Variants in CDKN2AIPNL observed in about 807,000 individuals in gnomAD.
The protein encoded by CDKN2AIPNL is XRN2 binding domain containing 1, also known as CDKN2AIP N-terminal-like protein.
In CDKN2AIPNL, 9 loss-of-function variants were observed where a neutral mutation model predicts 12.9. The ratio of observed to expected loss-of-function variants is 0.70; its 90% confidence interval spans 0.42 to 1.22. The LOEUF (loss-of-function observed/expected upper bound fraction) is 1.22, where lower values mean the gene tolerates loss of function less well. CDKN2AIPNL is among the 50% of genes most tolerant of loss of function. The pLI is 0.00. For synonymous variants in CDKN2AIPNL, 53 were observed against 61.7 expected (o/e 0.86, Z 0.66); for missense variants, 143 against 153.6 (o/e 0.93, Z 0.37).
chr5:134,407,957 C>G (rs753529352), intron 2 of CDKN2AIPNL, among the ~76,000 whole-genome samples: 3 of 151,950 alleles, frequency 2.0e-5, no homozygotes, highest in Non-Finnish European at 4.4e-5. Context: ...ATGGCAAAAC[C>G]CTTTCTCTAC....
At chr5:134,404,797 C>CT (rs1269835281) in intron 2 of CDKN2AIPNL, among the ~76,000 whole-genome samples, 2 of 152,016 alleles carry the variant, frequency 1.3e-5, no homozygotes, top group East Asian at 1.9e-4. Context: ...CTTTTTCTTT[C>CT]TTTTTTTTGA....
At position 134,411,861 on chromosome 5, in the gene CDKN2AIPNL, CG is replaced by C; in HGVS notation, c.-8del. ...CCGCCTCGCCACCGACCATGGTGCC[CG>C]CCGCAGCCGAGGACCGGATAGCCCG... On this transcript the variant is annotated 5_prime_UTR_variant, in exon 1 of 3. Coordinates refer to ENST00000458198, the MANE Select transcript of CDKN2AIPNL (RefSeq NM_080656.3). The C allele has an allele frequency of 6.4e-7, 1 of 1,560,076 alleles. No individual in the cohort carries two copies. The highest frequency in any genetic ancestry group is 1.2e-5 in the South Asian group (1 of 85,464).
intron 2 of CDKN2AIPNL, 132 bp from the exon 3 acceptor site, chr5:134,403,058 TTAA>T (rs1759052113): frequency 1.6e-6 from 1 of 626,520 alleles, no homozygotes. Flanking sequence ...TCAGAAATTA[TTAA>T]TATTTTACAA....
intron 2 of CDKN2AIPNL, among the ~76,000 whole-genome samples, chr5:134,404,696 G>A (rs1470547611): frequency 6.6e-6 from 1 of 151,992 alleles, no homozygotes; most frequent in Non-Finnish European, 1.5e-5. Context: ...TTCCACCAAG[G>A]GAGCGGCAGC....
chr5:134,408,901 G>A (rs981578074), intron 2 of CDKN2AIPNL, among the ~76,000 whole-genome samples: 12 of 152,086 alleles, frequency 7.9e-5, no homozygotes, highest in African/African-American at 2.7e-4. Flanking sequence ...TGTACTATTT[G>A]GGACTGAAAT....
intron 2 of CDKN2AIPNL, among the ~76,000 whole-genome samples, chr5:134,403,217 C>A (rs2149696653): frequency 6.6e-6 from 1 of 152,302 alleles, no homozygotes; most frequent in South Asian, 2.1e-4. Flanking sequence ...TTCTGGCATG[C>A]TTTGCAGTGA....
chr5:134,405,801 G>A (rs1759095506), intron 2 of CDKN2AIPNL, among the ~76,000 whole-genome samples: 1 of 152,192 alleles, frequency 6.6e-6, no homozygotes, highest in Non-Finnish European at 1.5e-5. Context: ...TAGGTTGACA[G>A]CTTCTTTCTT....
chr5:134,403,686 A>AC (rs1312355976), intron 2 of CDKN2AIPNL, among the ~76,000 whole-genome samples: 3 of 152,174 alleles, frequency 2.0e-5, no homozygotes, highest in African/African-American at 7.2e-5. Context: ...GTGCAGTGGC[A>AC]CGATCTTGGC....
chr5:134,409,629 A>G (rs1290434059), intron 2 of CDKN2AIPNL, among the ~76,000 whole-genome samples: 2 of 152,198 alleles, frequency 1.3e-5, no homozygotes, highest in African/African-American at 4.8e-5. Context: ...CATCTTTTTA[A>G]ACATCAAGCA....
intron 2 of CDKN2AIPNL, among the ~76,000 whole-genome samples, chr5:134,404,985 T>C (rs901568474): frequency 6.6e-6 from 1 of 151,248 alleles, no homozygotes; most frequent in Non-Finnish European, 1.5e-5. Flanking sequence ...GGTTTTGCCA[T>C]GTTGGCCAGG....
At chr5:134,406,755 A>G (rs1759110273) in intron 2 of CDKN2AIPNL, among the ~76,000 whole-genome samples, 1 of 152,210 alleles carries the variant, frequency 6.6e-6, no homozygotes, top group Non-Finnish European at 1.5e-5. Flanking sequence ...CTGTAGTCCC[A>G]GCTACTGGGG....
chr5:134,411,209 C>T, intron 1 of CDKN2AIPNL: 1 of 665,090 alleles, frequency 1.5e-6, no homozygotes. Flanking sequence ...GCTTTTTCAT[C>T]TGTAAAATGG....
rs372506709 is a variant in CDKN2AIPNL at position 134,411,725 on chromosome 5, T to G, written c.130A>C (p.Ile44Leu). ...CGGTAGTCGGGCAGGTGGCGCAGGA[T>G]GAATTCCATGCGGGCCTTCCATTGC... ...EKQWKARMEF[I>L]LRHLPDYRDP... is the part of the protein sequence containing the mutation. Residue 44 changes from isoleucine (I) to leucine (L), a missense_variant, in exon 1 of 3, where the codon ATC (isoleucine) becomes CTC (leucine). By Grantham distance (5) the Ile-to-Leu change is conservative (BLOSUM62 2). Around this residue, in one of 3 missense-constraint regions of CDKN2AIPNL, gnomAD observed 111 missense variants for 111.4 expected, o/e 1.00. Coordinates refer to ENST00000458198, the MANE Select transcript of CDKN2AIPNL (RefSeq NM_080656.3). 9.9e-6 allele frequency: 16 copies of G among 1,613,256 alleles called. No individual in the cohort carries two copies. Among genetic ancestry groups the G allele is most frequent in the Non-Finnish European group, 1.3e-5 (15 of 1,179,874 alleles).
At chr5:134,407,344 T>C (rs1199514651) in intron 2 of CDKN2AIPNL, among the ~76,000 whole-genome samples, 1 of 151,774 alleles carries the variant, frequency 6.6e-6, no homozygotes, top group East Asian at 1.9e-4. Context: ...CAAACCTCCT[T>C]AGTCTCCTAC....
chr5:134,407,672 C>T (rs1410401847), intron 2 of CDKN2AIPNL, among the ~76,000 whole-genome samples: 1 of 151,000 alleles, frequency 6.6e-6, no homozygotes, highest in Non-Finnish European at 1.5e-5. Context: ...CTTCTTGGGA[C>T]GCTGAGGCAA....
Position 134,411,190 on chromosome 5 carries a change from T to C in CDKN2AIPNL, c.239+426A>G. On this transcript the variant is annotated intron_variant, in intron 1 of 2. Transcript: ENST00000458198. Reference sequence around the variant, plus strand: ...TGCATGGCCCCAGGTATATCACTTCTCTCCCTAAGCTTTTTCATCTGTAAA... The same window carrying C: ...TGCATGGCCCCAGGTATATCACTTCCCTCCCTAAGCTTTTTCATCTGTAAA... 3 of 685,902 alleles carry C rather than the reference T, an allele frequency of 4.4e-6. No individual in the cohort carries two copies. The Middle Eastern group carries it at 7.1e-4, about 162-fold the overall frequency. The allele number at this position is 685,902 out of a possible 1,614,324, so 42.5% of individuals were successfully genotyped here.
chr5:134,402,944 GA>G lies in CDKN2AIPNL; in HGVS notation c.340-19del. ...CTTTGATGCTGGGAAAAAAAGAAAA[GA>G]AAAGGTTACATAACCATGTAGTCCA... On this transcript the variant is annotated intron_variant, in intron 2 of 2. Transcript: ENST00000458198. 1 of 1,601,916 alleles carries G rather than the reference GA, an allele frequency of 6.2e-7. No individual in the cohort carries two copies. The highest frequency in any genetic ancestry group is 8.5e-7 in the Non-Finnish European group (1 of 1,177,388).
intron 1 of CDKN2AIPNL, among the ~76,000 whole-genome samples, chr5:134,411,306 G>T (rs1275795539): frequency 6.6e-6 from 1 of 152,174 alleles, no homozygotes; most frequent in Non-Finnish European, 1.5e-5. Flanking sequence ...GTGATGGTTT[G>T]AGCTAATAAT....
At chr5:134,402,973 G>C in intron 2 of CDKN2AIPNL, 47 bp from the exon 3 acceptor site, 1 of 1,547,472 alleles carries the variant, frequency 6.5e-7, no homozygotes, top group Non-Finnish European at 8.8e-7. Context: ...GTAGTCCAGT[G>C]AATCAAATTC....
Sources: gnomAD v4.1 joint callset for allele counts (sites outside exome capture counted in the v4.1 genomes callset) on GRCh38, gnomAD v4.1.1 for gene constraint, gnomAD v4.1.1 regional missense constraint, MANE v1.5 for transcripts, NCBI Gene and HGNC (gene_info 2026-07-23, HGNC 2026-07-21) for gene names.